The following RALA variants were observed in gnomAD, a reference collection of about 807,000 sequenced individuals.
RALA encodes the protein RAS like proto-oncogene A, also known as ras-related protein Ral-A.
A neutral mutation model predicts 24.0 loss-of-function variants in RALA; 5 were observed. The observed-to-expected ratio is 0.21, with a 90% CI of 0.11 to 0.44. The LOEUF (loss-of-function observed/expected upper bound fraction) is 0.44, where lower values mean the gene tolerates loss of function less well. RALA is among the 20% of genes least tolerant of loss of function. The pLI is 0.99. For synonymous variants in RALA, 77 were observed against 83.8 expected, an observed-to-expected ratio of 0.92 and a Z score of 0.44; for missense variants, 95 against 241.2, an observed-to-expected ratio of 0.39 and a Z score of 4.01.
chr7:39,677,803 C>T, intron 1 of RALA, among the ~76,000 whole-genome samples: 1 of 1,518 alleles, frequency 6.6e-4, no homozygotes, highest in Non-Finnish European at 9.6e-4. Context: ...CTCTGATGGC[C>T]AGTGATGAGC....
chr7:39,698,177 TA>T (rs906820514), intron 4 of RALA, among the ~76,000 whole-genome samples: 5 of 152,304 alleles, frequency 3.3e-5, no homozygotes, highest in African/African-American at 7.2e-5. Context: ...CTTAGGATAC[TA>T]ATTCCATTAT....
intron 1 of RALA, among the ~76,000 whole-genome samples, chr7:39,641,554 A>G (rs898967272): frequency 6.6e-6 from 1 of 152,196 alleles, no homozygotes; most frequent in African/African-American, 2.4e-5. Flanking sequence ...CCTACAGATT[A>G]CTGAAATCAA....
intron 1 of RALA, among the ~76,000 whole-genome samples, chr7:39,681,284 C>CCCAAACCCACCCTATT (rs1160922888): frequency 2.6e-4 from 39 of 148,066 alleles, no homozygotes; most frequent in African/African-American, 9.2e-4. Flanking sequence ...TTCTCCTCAA[C>CCCAAACCCACCCTATT]CCAAACCCAC....
intron 1 of RALA, among the ~76,000 whole-genome samples, chr7:39,664,506 T>C (rs1165868800): frequency 6.6e-6 from 1 of 152,120 alleles, no homozygotes; most frequent in Non-Finnish European, 1.5e-5. Context: ...CACCAAACAC[T>C]ACGTCTCTGA....
At chr7:39,629,830 C>T (rs1224155277) in intron 1 of RALA, among the ~76,000 whole-genome samples, 4 of 152,150 alleles carry the variant, frequency 2.6e-5, no homozygotes, top group South Asian at 2.1e-4. Flanking sequence ...CTCCTGACCT[C>T]GTGATCCACC....
chr7:39,691,486 G>C (rs1394685990), intron 3 of RALA, among the ~76,000 whole-genome samples: 1 of 149,882 alleles, frequency 6.7e-6, no homozygotes, highest in African/African-American at 2.5e-5. Flanking sequence ...GCAGTGGTTA[G>C]TGCAGAGGAT....
At chr7:39,667,204 G>A (rs1018209437) in intron 1 of RALA, among the ~76,000 whole-genome samples, 6 of 152,132 alleles carry the variant, frequency 3.9e-5, no homozygotes, top group Admixed American at 2.0e-4. Context: ...GAATGTCTTG[G>A]AATTTTTTTT....
At chr7:39,665,859 T>C (rs942322878) in intron 1 of RALA, among the ~76,000 whole-genome samples, 2 of 152,118 alleles carry the variant, frequency 1.3e-5, no homozygotes, top group African/African-American at 4.8e-5. Flanking sequence ...TTTTTTTTTT[T>C]TAATCCTGGC....
chr7:39,694,835 G>A (rs1482561039), intron 3 of RALA, among the ~76,000 whole-genome samples: 1 of 151,750 alleles, frequency 6.6e-6, no homozygotes, highest in Non-Finnish European at 1.5e-5. Flanking sequence ...TTGAGTTCAG[G>A]AGTTCAAGAC....
At chr7:39,684,720 A>AG (rs971242553) in intron 1 of RALA, among the ~76,000 whole-genome samples, 1 of 151,812 alleles carries the variant, frequency 6.6e-6, no homozygotes, top group Non-Finnish European at 1.5e-5. Flanking sequence ...GCTAAAAAAA[A>AG]AAAAAAAAGA....
intron 1 of RALA, among the ~76,000 whole-genome samples, chr7:39,665,768 C>T (rs762343689): frequency 2.6e-5 from 4 of 151,758 alleles, no homozygotes; most frequent in Non-Finnish European, 5.9e-5. Context: ...GAAATTGCCT[C>T]TAACCTTTGT....
chr7:39,677,968 G>A (rs1398903470), intron 1 of RALA, among the ~76,000 whole-genome samples: 1 of 146,986 alleles, frequency 6.8e-6, no homozygotes, highest in Non-Finnish European at 1.5e-5. Flanking sequence ...TGTCAGATGA[G>A]TAGGTTGCGA....
chr7:39,641,983 T>A (rs773645231), intron 1 of RALA, among the ~76,000 whole-genome samples: 8 of 152,194 alleles, frequency 5.3e-5, no homozygotes, highest in Admixed American at 1.3e-4. Context: ...AATTCTGGCT[T>A]GAGATTATCT....
intron 1 of RALA, among the ~76,000 whole-genome samples, chr7:39,638,533 C>T (rs765208684): frequency 3.9e-5 from 6 of 152,178 alleles, no homozygotes; most frequent in Non-Finnish European, 8.8e-5. Flanking sequence ...GTCTTGACCT[C>T]CTGGGCTCAA....
chr7:39,673,283 A>T (rs1035701061), intron 1 of RALA, among the ~76,000 whole-genome samples: 1 of 152,148 alleles, frequency 6.6e-6, no homozygotes, highest in Non-Finnish European at 1.5e-5. Context: ...TTGTGTTTTG[A>T]CTTACTAGGT....
intron 1 of RALA, among the ~76,000 whole-genome samples, chr7:39,632,043 C>T (rs1014124586): frequency 1.3e-5 from 2 of 152,130 alleles, no homozygotes; most frequent in African/African-American, 4.8e-5. Flanking sequence ...TTTTAAACAA[C>T]CAGCTCTCAT....
intron 4 of RALA, 111 bp downstream of exon 4, chr7:39,696,970 T>G: frequency 9.4e-7 from 1 of 1,060,952 alleles, no homozygotes; most frequent in African/African-American, 1.6e-5. Context: ...GGTTTAATCC[T>G]TGTTGATTTT....
In RALA at chr7:39,681,302, C is replaced by CTTTTTTTTTTTTTTTTTTTTTTTTTTT. The variant is rs70996832; in HGVS notation, c.-37-5322_-37-5296dup. The stretch of plus-strand genomic sequence containing the variant: ...TCCTCAACCCAAACCCACCCTATTC[C>CTTTTTTTTTTTTTTTTTTTTTTTTTTT]TTTTTTTTTTTTTTTTTTTTTTTTT... On this transcript the variant is annotated intron_variant, in intron 1 of 4. Transcript: ENST00000005257. 4.0e-5 allele frequency among the ~76,000 whole-genome samples: 2 copies of CTTTTTTTTTTTTTTTTTTTTTTTTTTT among 50,008 alleles called. 1 individual carries two copies. Among genetic ancestry groups the CTTTTTTTTTTTTTTTTTTTTTTTTTTT allele is most frequent in the Non-Finnish European group, 7.1e-5 (2 of 28,084 alleles). 32.8% of individuals were successfully genotyped at this position (50,008 alleles called of 152,430 possible).
chr7:39,630,699 T>C lies in RALA; in HGVS notation c.-38+6874T>C, dbSNP rs532101100. On this transcript the variant is annotated intron_variant, in intron 1 of 4. Transcript: ENST00000005257. ...TTATTTCTATGTATGATATAAGGAATGCATCTAATTTTATCCTTTTCCAAG... is the reference window on the plus strand; with the variant it reads ...TTATTTCTATGTATGATATAAGGAACGCATCTAATTTTATCCTTTTCCAAG... Among the ~76,000 whole-genome samples the C allele has an allele frequency of 4.6e-5, 7 of 152,326 alleles. 1 individual carries two copies. Among genetic ancestry groups the C allele is most frequent in the Admixed American group, 4.6e-4 (7 of 15,308 alleles).
Sources: gnomAD v4.1 joint callset for allele counts (sites outside exome capture counted in the v4.1 genomes callset) on GRCh38, gnomAD v4.1.1 for gene constraint, MANE v1.5 for transcripts, NCBI Gene and HGNC (gene_info 2026-07-23, HGNC 2026-07-21) for gene names.